The following UNC13C variants were observed in gnomAD, a reference collection of about 807,000 sequenced individuals.
The protein encoded by UNC13C is protein unc-13 homolog C.
UNC13C carries 174 observed loss-of-function variants against 245.4 expected under a neutral mutation model. That is an observed-to-expected ratio of 0.71 (90% CI 0.63 to 0.80). UNC13C has a LOEUF of 0.80. UNC13C is among the 30% of genes least tolerant of loss of function. The pLI is 0.00. For synonymous variants in UNC13C, 992 were observed against 895.1 expected (o/e 1.11, Z -1.93); for missense variants, 2,829 against 2,602.9 (o/e 1.09, Z -1.89).
At chr15:54,038,122 A>T (rs59294159) in intron 2 of UNC13C, among the ~76,000 whole-genome samples, 19,581 of 48,444 alleles carry the variant, frequency 0.4, 3,595 homozygotes, top group East Asian at 0.54. Flanking sequence ...ATATATATAT[A>T]TATTTTTTTT....
the UNC13C span, among the ~76,000 whole-genome samples, chr15:53,956,148 G>C: frequency 6.6e-6 from 1 of 152,160 alleles, no homozygotes; most frequent in Admixed American, 6.5e-5. Flanking sequence ...ACAAACAAAA[G>C]CTGACAACAG....
At chr15:54,095,083 T>C (rs1488846904) in intron 2 of UNC13C, among the ~76,000 whole-genome samples, 1 of 152,114 alleles carries the variant, frequency 6.6e-6, no homozygotes, top group African/African-American at 2.4e-5. Flanking sequence ...ATAATGCACA[T>C]CATTTGTCCA....
At chr15:54,135,970 G>T (rs2031708352) in intron 2 of UNC13C, among the ~76,000 whole-genome samples, 1 of 152,078 alleles carries the variant, frequency 6.6e-6, no homozygotes, top group Non-Finnish European at 1.5e-5. Flanking sequence ...AGTTTTTCCA[G>T]TGCAGGCACA....
At chr15:54,105,642 A>AG (rs1383359625) in intron 2 of UNC13C, among the ~76,000 whole-genome samples, 6 of 82,818 alleles carry the variant, frequency 7.2e-5, no homozygotes, top group Admixed American at 3.3e-4. Context: ...CATGAAAAAA[A>AG]CATTTCTACT....
chr15:54,572,596 G>T (rs11071088), intron 30 of UNC13C, among the ~76,000 whole-genome samples: 1 of 151,244 alleles, frequency 6.6e-6, no homozygotes, highest in Non-Finnish European at 1.5e-5. Context: ...CGGCATTTTT[G>T]TATTTTTTTT....
intron 2 of UNC13C, among the ~76,000 whole-genome samples, chr15:54,113,571 A>G (rs1014389466): frequency 1.3e-5 from 2 of 152,188 alleles, no homozygotes; most frequent in Non-Finnish European, 2.9e-5. Flanking sequence ...AAGATGCTGT[A>G]ATCCCAGCAC....
intron 19 of UNC13C, among the ~76,000 whole-genome samples, chr15:54,469,456 G>T (rs1892343410): frequency 6.6e-6 from 1 of 151,316 alleles, no homozygotes; most frequent in Non-Finnish European, 1.5e-5. Context: ...TTTCAGTACA[G>T]TTACCCATCA....
intron 19 of UNC13C, among the ~76,000 whole-genome samples, chr15:54,430,960 C>T (rs1213322337): frequency 1.3e-5 from 2 of 151,850 alleles, no homozygotes; most frequent in East Asian, 3.9e-4. Flanking sequence ...AACCATGTTG[C>T]AACTTCTCTT....
At chr15:54,485,955 CTTACA>C (rs1027143707) in intron 19 of UNC13C, among the ~76,000 whole-genome samples, 7 of 152,178 alleles carry the variant, frequency 4.6e-5, no homozygotes, top group African/African-American at 1.7e-4. Flanking sequence ...ACTTCCTCCC[CTTACA>C]TTACATTATA....
chr15:54,410,335 G>A (rs2040391546), intron 18 of UNC13C, among the ~76,000 whole-genome samples: 1 of 152,106 alleles, frequency 6.6e-6, no homozygotes, highest in Admixed American at 6.6e-5. Context: ...CCTTTACTCT[G>A]TTGATAGTTT....
the UNC13C span, among the ~76,000 whole-genome samples, chr15:53,946,098 C>T: frequency 0.012 from 1,882 of 152,230 alleles, 35 homozygotes; most frequent in African/African-American, 0.043. Flanking sequence ...TATCCTGATA[C>T]TTTGCTAACA....
At chr15:53,943,252 GCAATT>G in the UNC13C span, among the ~76,000 whole-genome samples, 4 of 152,148 alleles carry the variant, frequency 2.6e-5, no homozygotes, top group Admixed American at 6.5e-5. Context: ...TTCTGAACAT[GCAATT>G]CTATTTTATT....
At chr15:54,081,715 G>A (rs1898952334) in intron 2 of UNC13C, among the ~76,000 whole-genome samples, 1 of 151,970 alleles carries the variant, frequency 6.6e-6, no homozygotes. Flanking sequence ...GAAGGCAACA[G>A]CAGGTTGAGT....
At chr15:54,534,242 G>A (rs1411114761) in intron 26 of UNC13C, among the ~76,000 whole-genome samples, 2 of 152,072 alleles carry the variant, frequency 1.3e-5, no homozygotes, top group African/African-American at 4.8e-5. Context: ...TGAGGAGACA[G>A]AAAACAAAGT....
At chr15:54,163,276 T>G (rs2033043920) in intron 4 of UNC13C, among the ~76,000 whole-genome samples, 1 of 152,112 alleles carries the variant, frequency 6.6e-6, no homozygotes, top group Admixed American at 6.6e-5. Context: ...AGCCAAAGAC[T>G]GCAGGTAGCC....
At chr15:54,081,067 A>G (rs1019976692) in intron 2 of UNC13C, among the ~76,000 whole-genome samples, 7 of 152,034 alleles carry the variant, frequency 4.6e-5, no homozygotes, top group Non-Finnish European at 8.8e-5. Flanking sequence ...TTGCTTATTC[A>G]AAAGCCATTC....
intron 26 of UNC13C, among the ~76,000 whole-genome samples, chr15:54,533,467 C>T (rs1295778850): frequency 1.3e-5 from 2 of 152,120 alleles, no homozygotes; most frequent in East Asian, 3.9e-4. Flanking sequence ...AAGAGAATAG[C>T]ACAAATATGA....
intron 30 of UNC13C, among the ~76,000 whole-genome samples, chr15:54,575,600 C>A (rs1366105824): frequency 1.1e-4 from 16 of 151,938 alleles, no homozygotes; most frequent in African/African-American, 3.9e-4. Context: ...TGGCCAAGGG[C>A]CACCGCTGAA....
chr15:53,914,810 T>G, the UNC13C span: 1 of 152,204 alleles, frequency 6.6e-6, no homozygotes, highest in Non-Finnish European at 1.5e-5. Flanking sequence ...CAGGCTCATT[T>G]GGCGGTAATG....
Sources: gnomAD v4.1 joint callset for allele counts (sites outside exome capture counted in the v4.1 genomes callset) on GRCh38, gnomAD v4.1.1 for gene constraint, MANE v1.5 for transcripts, NCBI Gene and HGNC (gene_info 2026-07-23, HGNC 2026-07-21) for gene names.